Variants in GALNT9 observed in about 807,000 individuals in gnomAD.
GALNT9 encodes the protein polypeptide N-acetylgalactosaminyltransferase 9, also known as GalNAc transferase 9.
GALNT9 carries 47 observed loss-of-function variants against 63.1 expected under a neutral mutation model. The observed-to-expected ratio is 0.75, with a 90% CI of 0.59 to 0.95. The LOEUF is 0.95. Ranked by LOEUF, GALNT9 falls within the 40% of genes least tolerant of loss-of-function variation. The probability of loss-of-function intolerance (pLI) is 0.00; values close to 1 mark genes in which losing one functional copy is unlikely to be tolerated. For missense variants in GALNT9, 829 were observed against 874.8 expected, an observed-to-expected ratio of 0.95 and a Z score of 0.66; for synonymous variants, 396 against 365.7, an observed-to-expected ratio of 1.08 and a Z score of -0.94.
chr12:132,220,675 A>C (rs1015879437), intron 6 of GALNT9, among the ~76,000 whole-genome samples: 1 of 152,240 alleles, frequency 6.6e-6, no homozygotes, highest in African/African-American at 2.4e-5. Flanking sequence ...GGAAGGAGAC[A>C]TCGGCAACCC....
At chr12:132,304,806 T>G (rs1262837328) in intron 1 of GALNT9, among the ~76,000 whole-genome samples, 5 of 2,682 alleles carry the variant, frequency 1.9e-3, no homozygotes, top group Non-Finnish European at 3.0e-3. Context: ...CACCCTCACC[T>G]GGGCACACCC....
intron 3 of GALNT9, among the ~76,000 whole-genome samples, chr12:132,261,444 T>A (rs1422817282): frequency 6.6e-6 from 1 of 152,124 alleles, no homozygotes; most frequent in Non-Finnish European, 1.5e-5. Context: ...CATGCATGGA[T>A]GGGTGGACAC....
intron 1 of GALNT9, among the ~76,000 whole-genome samples, chr12:132,322,983 G>A (rs782821070): frequency 2.0e-5 from 3 of 152,072 alleles, no homozygotes; most frequent in Admixed American, 6.5e-5. Context: ...CTCGAGAGCC[G>A]TGCGTCAGCC....
intron 6 of GALNT9, among the ~76,000 whole-genome samples, chr12:132,215,620 G>C (rs889577847): frequency 2.6e-5 from 4 of 152,258 alleles, no homozygotes; most frequent in African/African-American, 9.6e-5. Context: ...CCAAGACCGA[G>C]GTTCAAGAAT....
At chr12:132,199,016 A>G (rs1875774764) in intron 9 of GALNT9, among the ~76,000 whole-genome samples, 158 bp downstream of exon 9, 1 of 151,932 alleles carries the variant, frequency 6.6e-6, no homozygotes, top group Admixed American at 6.6e-5. Flanking sequence ...GGCCTCTTCT[A>G]GAGGGGCCCT....
At position 132,292,735 on chromosome 12, in the gene GALNT9, C is replaced by T. The variant is rs140879407; in HGVS notation, c.239-6305G>A. Among the ~76,000 whole-genome samples, 167 of 152,298 alleles carry T rather than the reference C, an allele frequency of 1.1e-3. 3 individuals are homozygous for T. Among genetic ancestry groups the T allele is most frequent in the African/African-American group, 3.7e-3 (155 of 41,560 alleles). On this transcript the variant is annotated intron_variant, in intron 1 of 10. Coordinates refer to ENST00000328957, the MANE Select transcript of GALNT9 (RefSeq NM_001122636.2). ...GGGCGTGCGAAGGAGGCACTGCTTGCTCTGAGGGAGTGGGTGTGAGTCCAG... is the reference window on the plus strand; with the variant it reads ...GGGCGTGCGAAGGAGGCACTGCTTGTTCTGAGGGAGTGGGTGTGAGTCCAG...
chr12:132,223,139 A>ACACACACCACACAACC (rs1339687947), intron 6 of GALNT9, among the ~76,000 whole-genome samples: 2 of 29,386 alleles, frequency 6.8e-5, no homozygotes, highest in African/African-American at 3.1e-4. Flanking sequence ...CACACCCCAC[A>ACACACACCACACAACC]CACACACCAC....
chr12:132,309,027 G>T (rs1437468390), intron 1 of GALNT9, among the ~76,000 whole-genome samples: 1 of 152,240 alleles, frequency 6.6e-6, no homozygotes, highest in African/African-American at 2.4e-5. Flanking sequence ...CCCAACCAGG[G>T]AGGTTCCTAG....
At chr12:132,317,818 C>T (rs1215695952) in intron 1 of GALNT9, among the ~76,000 whole-genome samples, 1 of 152,172 alleles carries the variant, frequency 6.6e-6, no homozygotes, top group Non-Finnish European at 1.5e-5. Context: ...TGGGGCTGCA[C>T]AGGGGCTGCT....
intron 1 of GALNT9, among the ~76,000 whole-genome samples, chr12:132,313,769 GCCATCCATCCATACATCCAC>G (rs1566022510): frequency 1.7e-4 from 9 of 53,460 alleles, no homozygotes; most frequent in Admixed American, 4.1e-4. Flanking sequence ...CATCCACCCA[GCCATCCATCCATACATCCAC>G]CCATCCACCC....
At chr12:132,276,964 A>ATC (rs1333942431) in intron 2 of GALNT9, among the ~76,000 whole-genome samples, 15 of 152,120 alleles carry the variant, frequency 9.9e-5, no homozygotes, top group Admixed American at 3.9e-4. Context: ...ATGTACATAC[A>ATC]TCTCACACAC....
rs1021146475 is a variant in GALNT9, at chr12:132,244,070, C to T, written c.1077+3840G>A. On this transcript the variant is annotated intron_variant, in intron 6 of 10. Coordinates refer to ENST00000328957, the MANE Select transcript of GALNT9 (RefSeq NM_001122636.2). Reference sequence around the variant, plus strand: ...GGCGGCAACGTGCAGTTCTCGACACCGGCAGAGTGAGGCCTCGGGCCGGCC... The same window carrying T: ...GGCGGCAACGTGCAGTTCTCGACACTGGCAGAGTGAGGCCTCGGGCCGGCC... Among the ~76,000 whole-genome samples, 15 of 150,288 alleles carry T rather than the reference C, an allele frequency of 1.0e-4. No homozygotes were observed. The East Asian group carries it at 1.2e-3, about 12-fold the overall frequency.
At chr12:132,250,727 G>A (rs1555238467) in intron 5 of GALNT9, among the ~76,000 whole-genome samples, 2 of 152,222 alleles carry the variant, frequency 1.3e-5, no homozygotes, top group African/African-American at 4.8e-5. Flanking sequence ...GGAGGCGGAG[G>A]TTGCAGTGGA....
At position 132,315,655 on chromosome 12, in the gene GALNT9, C is replaced by T. The variant is rs1488914982; in HGVS notation, c.238+13311G>A. Among the ~76,000 whole-genome samples, 1 of 152,208 alleles carries T rather than the reference C, an allele frequency of 6.6e-6. No homozygotes were observed. The highest frequency in any genetic ancestry group is 1.5e-5 in the Non-Finnish European group (1 of 68,048). ...AGAAGGTCGCGTCTTCTGGGCCAGT[C>T]TCTGTGAAGGCCACCAGTTCGGATC... On this transcript the variant is annotated intron_variant, in intron 1 of 10. Transcript: ENST00000328957. The surrounding 1 kb of genome is among the most constrained non-coding windows in gnomAD (Gnocchi z 6.1).
At chr12:132,302,229 T>TACACACAC (rs56317485) in intron 1 of GALNT9, among the ~76,000 whole-genome samples, 7,088 of 143,714 alleles carry the variant, frequency 0.049, 212 homozygotes, top group East Asian at 0.093. Context: ...TAGAAAATTC[T>TACACACAC]ACACACACAC....
intron 1 of GALNT9, among the ~76,000 whole-genome samples, chr12:132,290,138 C>T (rs1168723708): frequency 1.3e-5 from 2 of 152,264 alleles, no homozygotes; most frequent in African/African-American, 4.8e-5. Context: ...TTTCCCACCT[C>T]CCTGACTCAG....
intron 6 of GALNT9, chr12:132,240,587 G>C (rs2136898743): frequency 1.8e-5 from 8 of 453,772 alleles, no homozygotes; most frequent in African/African-American, 1.2e-4. Flanking sequence ...CCCGGGGCTC[G>C]GCTGTGGGCT....
chr12:132,262,702 C>T, intron 2 of GALNT9, 77 bp from the exon 3 acceptor site: 1 of 1,432,630 alleles, frequency 7.0e-7, no homozygotes, highest in Non-Finnish European at 9.2e-7. Context: ...TCTGTCTGCA[C>T]CTGCAGGAGA....
intron 1 of GALNT9, among the ~76,000 whole-genome samples, chr12:132,318,594 T>C (rs28489085): frequency 0.57 from 86,574 of 152,076 alleles, 24,824 homozygotes; most frequent in East Asian, 0.75. Flanking sequence ...GAGCTGGTGA[T>C]TTGCAGGTTC....
Sources: allele counts gnomAD v4.1 joint callset (sites outside exome capture counted in the v4.1 genomes callset), GRCh38; gene constraint gnomAD v4.1.1; non-coding constraint Gnocchi (gnomAD v3.1); transcripts MANE v1.5; gene names NCBI Gene and HGNC (gene_info 2026-07-23, HGNC 2026-07-21).